ADCY3: variants seen among roughly 807,000 people sequenced by gnomAD.
The protein encoded by ADCY3 is adenylate cyclase type 3.
In ADCY3, 70 loss-of-function variants were observed where a neutral mutation model predicts 119.4. The ratio of observed to expected loss-of-function variants is 0.59; its 90% CI spans 0.48 to 0.72. The LOEUF (loss-of-function observed/expected upper bound fraction) is 0.72, where lower values mean the gene tolerates loss of function less well. ADCY3 is among the 30% of genes least tolerant of loss of function. The pLI is 0.00. For synonymous variants in ADCY3, 672 were observed against 621.4 expected, an observed-to-expected ratio of 1.08 and a Z score of -1.21; for missense variants, 1,238 against 1,541.6, an observed-to-expected ratio of 0.80 and a Z score of 3.30.
chr2:24,889,485 C>T (rs527902353), intron 2 of ADCY3, among the ~76,000 whole-genome samples: 3 of 152,336 alleles, frequency 2.0e-5, no homozygotes, highest in South Asian at 4.1e-4. Flanking sequence ...TTCTTCAGTA[C>T]ATATGCATGT....
At chr2:24,843,472 A>T (rs1041207636) in intron 3 of ADCY3, among the ~76,000 whole-genome samples, 1 of 152,148 alleles carries the variant, frequency 6.6e-6, no homozygotes, top group Non-Finnish European at 1.5e-5. Context: ...CGCTCAAATC[A>T]TCCTCTGTTT....
intron 3 of ADCY3, among the ~76,000 whole-genome samples, chr2:24,855,807 G>A (rs147959329): frequency 6.4e-4 from 98 of 152,320 alleles, no homozygotes; most frequent in African/African-American, 2.2e-3. Context: ...TGGGATCTCA[G>A]CTGAGAGCAG....
At chr2:24,901,904 T>C (rs1678941363) in intron 2 of ADCY3, among the ~76,000 whole-genome samples, 2 of 145,940 alleles carry the variant, frequency 1.4e-5, no homozygotes, top group South Asian at 4.2e-4. Flanking sequence ...TAGCTAAATG[T>C]TTTCAATTAA....
In ADCY3 at chr2:24,842,967, G is replaced by A. The variant is rs1671220402; in HGVS notation, c.826-583C>T. Among the ~76,000 whole-genome samples the A allele has an allele frequency of 6.6e-6, 1 of 152,204 alleles. No individual in the cohort carries two copies. The highest frequency in any genetic ancestry group is 1.5e-5 in the Non-Finnish European group (1 of 68,032). Reference sequence around the variant, plus strand: ...GCCCAGAAAGGAGAGAGCAGAGGACGGCGCAAGAGAGAAGCAGGGGCCAAG... The same window carrying A: ...GCCCAGAAAGGAGAGAGCAGAGGACAGCGCAAGAGAGAAGCAGGGGCCAAG... On this transcript the variant is annotated intron_variant, in intron 3 of 21. Transcript: ENST00000679454. The surrounding 1 kb of genome is among the most constrained non-coding windows in gnomAD (Gnocchi z 4.9).
chr2:24,834,561 G>A lies in ADCY3; in HGVS notation c.1891C>T (p.Gln631Ter). Residue 631 changes from glutamine to a stop codon, truncating the protein, a stop_gained, in exon 11 of 22, where the codon CAG becomes TAG. Coordinates refer to ENST00000679454, the MANE Select transcript of ADCY3 (RefSeq NM_004036.5). LOFTEE classifies it high-confidence loss of function. This position sits in a 1 kb window ranked among gnomAD's most constrained non-coding sequence, Gnocchi z 4.2. ...GAGCAGCTGAAGGCAGCCCCACTCT[G>A]CTTCTCCTTCTCCACCGAGTAGCGG... ...ETRYSVEKEK[Q>*]SGAAFSCSCV... The A allele has an allele frequency of 6.2e-7, 1 of 1,614,038 alleles. No homozygotes were observed.
intron 15 of ADCY3, 47 bp from the exon 16 acceptor site, chr2:24,826,173 T>C (rs1360613514): frequency 6.4e-7 from 1 of 1,555,048 alleles, no homozygotes; most frequent in Non-Finnish European, 8.9e-7. Context: ...ATCTGCCTCC[T>C]GGAGGGGGCC....
At chr2:24,822,409 C>T (rs1309146106) in intron 19 of ADCY3, 102 bp downstream of exon 19, 6 of 1,499,720 alleles carry the variant, frequency 4.0e-6, no homozygotes, top group East Asian at 4.6e-5. Context: ...TGTCTGGGAC[C>T]ACTTTGCACA....
At chr2:24,840,056 G>A in intron 6 of ADCY3, 25 bp from the exon 7 acceptor site, 1 of 1,593,342 alleles carries the variant, frequency 6.3e-7, no homozygotes, top group South Asian at 1.1e-5. Flanking sequence ...CAGAAAGGAG[G>A]GTCAGGGTGT....
At chr2:24,843,474 CCT>C (rs1384831206) in intron 3 of ADCY3, among the ~76,000 whole-genome samples, 13 of 152,334 alleles carry the variant, frequency 8.5e-5, no homozygotes, top group South Asian at 2.1e-4. Context: ...CTCAAATCAT[CCT>C]CTGTTTTCAT....
At chr2:24,839,273 C>A (rs1181564728) in intron 7 of ADCY3, among the ~76,000 whole-genome samples, 1 of 152,164 alleles carries the variant, frequency 6.6e-6, no homozygotes, top group Non-Finnish European at 1.5e-5. Context: ...TCAGTTGCAA[C>A]CCCTGCTGCC....
Position 24,830,644 on chromosome 2 carries a change from C to A in ADCY3, c.2172+65G>T, listed in dbSNP as rs913375764. On this transcript the variant is annotated intron_variant, in intron 13 of 21. Coordinates refer to ENST00000679454, the MANE Select transcript of ADCY3 (RefSeq NM_004036.5). The stretch of plus-strand genomic sequence containing the variant: ...TGGACTGAGAAACTGCTTGTGTGAC[C>A]CAAACAGAAGCCCTTCTCCACTGAG... 12 of 1,314,362 alleles carry A rather than the reference C, an allele frequency of 9.1e-6. No individual in the cohort carries two copies. The African/African-American group carries it at 1.3e-4, about 14-fold the overall frequency. The allele number at this position is 1,314,362 out of a possible 1,614,324, so 81.4% of individuals were successfully genotyped here. A position where few individuals can be genotyped will look rare whatever the true frequency, so the allele number is the denominator to read the frequency against.
chr2:24,821,648 AG>A lies in ADCY3; in HGVS notation c.3004-9del. ...TCTCTCGGACTTGTCTTCCTGTGCC[AG>A]GGGACCGTGGAGAAAGTGTCAGGGG... On this transcript the variant is annotated splice_polypyrimidine_tract_variant and intron_variant, in intron 19 of 21. Transcript: ENST00000679454. 1 of 1,613,696 alleles carries A rather than the reference AG, an allele frequency of 6.2e-7. No homozygotes were observed. The highest frequency in any genetic ancestry group is 8.5e-7 in the Non-Finnish European group (1 of 1,179,848).
rs959041010 is a variant in ADCY3 at position 24,872,438 on chromosome 2, C to T, written c.825+132G>A. On this transcript the variant is annotated intron_variant, in intron 3 of 21. Coordinates refer to ENST00000679454, the MANE Select transcript of ADCY3 (RefSeq NM_004036.5). The surrounding 1 kb of genome is among the most constrained non-coding windows in gnomAD (Gnocchi z 4.4). ...GAGCCCAGAAGACAAAGTTCAGAAG[C>T]AAACACCTGAACAGGGTGGATGAAC... The T allele has an allele frequency of 7.8e-6, 9 of 1,149,446 alleles. No homozygotes were observed. In the African/African-American group the frequency reaches 1.1e-4, roughly 14 times the overall value. The allele number at this position is 1,149,446 out of a possible 1,614,324, so 71.2% of individuals were successfully genotyped here.
Position 24,918,427 on chromosome 2 carries a change from G to A in ADCY3, c.561C>T (p.Leu187=), listed in dbSNP as rs778630100. Residue 187 remains leucine (L), a synonymous_variant, in exon 2 of 22, where the codon CTC becomes CTT. Coordinates refer to ENST00000679454, the MANE Select transcript of ADCY3 (RefSeq NM_004036.5). This position sits in a 1 kb window ranked among gnomAD's most constrained non-coding sequence, Gnocchi z 5.4. ...CCACGGAGATGATCACGATGGGGCT[G>A]AGGCTGAGGGGCAGCGTGATGAAGA... The part of the protein sequence containing the change: ...FSFFITLPLS[L]SPIVIISVVS... 3.1e-6 allele frequency: 5 copies of A among 1,613,858 alleles called. No homozygotes were observed. The highest frequency in any genetic ancestry group is 3.3e-5 in the Admixed American group (2 of 59,998).
chr2:24,835,031 G>T, intron 9 of ADCY3, 95 bp from the exon 10 acceptor site: 1 of 1,463,416 alleles, frequency 6.8e-7, no homozygotes, highest in East Asian at 2.4e-5. Context: ...AGGAACAAAA[G>T]AGGGCATACT....
intron 7 of ADCY3, 140 bp from the exon 8 acceptor site, chr2:24,838,762 G>A: frequency 6.3e-6 from 10 of 1,587,772 alleles, no homozygotes; most frequent in Non-Finnish European, 8.6e-6. Context: ...GCCAAGTGGA[G>A]GCAGTTCTGC....
chr2:24,831,177 G>A (rs1669445194), intron 12 of ADCY3, among the ~76,000 whole-genome samples: 1 of 151,548 alleles, frequency 6.6e-6, no homozygotes, highest in East Asian at 2.0e-4. Context: ...GACCTGGCGA[G>A]CCACCTGTCA....
intron 3 of ADCY3, among the ~76,000 whole-genome samples, chr2:24,861,331 G>C (rs1673630135): frequency 6.6e-6 from 1 of 152,054 alleles, no homozygotes; most frequent in Admixed American, 6.5e-5. Context: ...ATTCTGGAAG[G>C]AGGCCCCTTT....
At chr2:24,864,182 C>T (rs975243218) in intron 3 of ADCY3, among the ~76,000 whole-genome samples, 1 of 152,056 alleles carries the variant, frequency 6.6e-6, no homozygotes, top group Non-Finnish European at 1.5e-5. Context: ...CCCAGCTACT[C>T]GGGACGCTGA....
Sources: allele counts gnomAD v4.1 joint callset (sites outside exome capture counted in the v4.1 genomes callset), GRCh38; gene constraint gnomAD v4.1.1; non-coding constraint Gnocchi (gnomAD v3.1); transcripts MANE v1.5; gene names NCBI Gene and HGNC (gene_info 2026-07-23, HGNC 2026-07-21).